MDN1: variants seen among roughly 807,000 people sequenced by gnomAD.
MDN1 encodes midasin.
MDN1 carries 266 observed loss-of-function variants against 669.2 expected under a neutral mutation model. The ratio of observed to expected loss-of-function variants is 0.40; its 90% confidence interval spans 0.36 to 0.44. MDN1 has a LOEUF of 0.44. MDN1 is among the 20% of genes least tolerant of loss of function. The probability of loss-of-function intolerance (pLI) is 1.00; values close to 1 mark genes in which losing one functional copy is unlikely to be tolerated. For missense variants in MDN1, 5,940 were observed against 6,754.0 expected, an observed-to-expected ratio of 0.88 and a Z score of 4.22; for synonymous variants, 2,385 against 2,457.1, an observed-to-expected ratio of 0.97 and a Z score of 0.87.
Position 89,674,282 on chromosome 6 carries a change from T to A in MDN1, c.13069A>T (p.Ser4357Cys). ...VVLDLIPSNLSYPSPIPGSQL... is the reference protein window; with the variant it reads ...VVLDLIPSNLCYPSPIPGSQL... Reference sequence around the variant, plus strand: ...CTTCCAGGTATTGGAGATGGGTAGCTCAGATTGGAAGGAATTAGGTCCAGC... The same window carrying A: ...CTTCCAGGTATTGGAGATGGGTAGCACAGATTGGAAGGAATTAGGTCCAGC... The change falls in exon 79 of 102, where the codon AGC (serine) becomes TGC (cysteine). Residue 4357 changes from serine to cysteine, a missense_variant. Ser to Cys is a moderately radical substitution (Grantham distance 112). This residue lies in a region of MDN1 where 2,280 missense variants were observed against 2,576.3 expected (regional missense o/e 0.88). Transcript: ENST00000369393. 1 of 1,614,210 alleles carries A rather than the reference T, an allele frequency of 6.2e-7. No individual in the cohort carries two copies. The highest frequency in any genetic ancestry group is 8.5e-7 in the Non-Finnish European group (1 of 1,180,040).
Position 89,674,277 on chromosome 6 carries a change from G to A in MDN1, c.13074C>T (p.Tyr4358=). 1 of 1,614,226 alleles carries A rather than the reference G, an allele frequency of 6.2e-7. No homozygotes were observed. The highest frequency in any genetic ancestry group is 1.1e-5 in the South Asian group (1 of 91,074). ...GCTGACTTCCAGGTATTGGAGATGGGTAGCTCAGATTGGAAGGAATTAGGT... is the reference window on the plus strand; with the variant it reads ...GCTGACTTCCAGGTATTGGAGATGGATAGCTCAGATTGGAAGGAATTAGGT... ...VLDLIPSNLS[Y]PSPIPGSQLP... Residue 4358 remains tyrosine, a synonymous_variant, in exon 79 of 102, where the codon TAC becomes TAT. Transcript: ENST00000369393.
intron 42 of MDN1, 37 bp downstream of exon 42, chr6:89,718,730 T>C (rs1311491658): frequency 1.9e-6 from 3 of 1,611,034 alleles, no homozygotes; most frequent in East Asian, 2.2e-5. Context: ...CGGGGTTTAT[T>C]ATGCTTTGCC....
intron 83 of MDN1, among the ~76,000 whole-genome samples, chr6:89,669,843 T>C (rs1268896681): frequency 6.6e-6 from 1 of 151,806 alleles, no homozygotes; most frequent in Non-Finnish European, 1.5e-5. Flanking sequence ...GGGTCTACAA[T>C]CTCTACAACC....
In MDN1 at chr6:89,699,697, A is replaced by G; in HGVS notation, c.8901T>C (p.Asn2967=). ...RCSKNQQPQI[N]EEISHLISFC... ...ATGAGATGAGGTGACTTATCTCCTCATTTATCTGGGGTTGTTGATTTTTGC... is the reference window on the plus strand; with the variant it reads ...ATGAGATGAGGTGACTTATCTCCTCGTTTATCTGGGGTTGTTGATTTTTGC... The change falls in exon 58 of 102, where the codon AAT becomes AAC. Residue 2967 remains asparagine (N), a synonymous_variant. Coordinates refer to ENST00000369393, the MANE Select transcript of MDN1 (RefSeq NM_014611.3). 1 of 1,613,928 alleles carries G rather than the reference A, an allele frequency of 6.2e-7. No homozygotes were observed. The highest frequency in any genetic ancestry group is 8.5e-7 in the Non-Finnish European group (1 of 1,179,920).
intron 40 of MDN1, among the ~76,000 whole-genome samples, chr6:89,720,356 C>T (rs1025983299): frequency 1.3e-5 from 2 of 150,452 alleles, no homozygotes; most frequent in African/African-American, 2.5e-5. Context: ...GCCAAGATCA[C>T]GCCACTGTAC....
In MDN1 at chr6:89,719,220, A is replaced by G. The variant is rs1814644542; in HGVS notation, c.5973T>C (p.Ile1991=). The change falls in exon 41 of 102, where the codon ATT becomes ATC. Residue 1991 remains isoleucine (I), a synonymous_variant. Coordinates refer to ENST00000369393, the MANE Select transcript of MDN1 (RefSeq NM_014611.3). The part of the protein sequence containing the change: ...MRTEEDKKKV[I]AVFKDVFGSN... The stretch of plus-strand genomic sequence containing the variant: ...AACCAAACACATCCTTGAATACAGC[A>G]ATGACCTAAAGGAAGAAGATAATGC... 6.2e-7 allele frequency: 1 copy of G among 1,612,376 alleles called. No individual in the cohort carries two copies. The highest frequency in any genetic ancestry group is 8.5e-7 in the Non-Finnish European group (1 of 1,178,444).
intron 84 of MDN1, among the ~76,000 whole-genome samples, chr6:89,667,363 A>G (rs1036081816): frequency 6.6e-5 from 10 of 152,102 alleles, no homozygotes; most frequent in Non-Finnish European, 1.5e-4. Context: ...TTTCTCTGCC[A>G]AGGAAGGGAG....
intron 88 of MDN1, among the ~76,000 whole-genome samples, chr6:89,661,113 A>G (rs1288985736): frequency 6.6e-6 from 1 of 152,242 alleles, no homozygotes; most frequent in Non-Finnish European, 1.5e-5. Context: ...CGTTTACACC[A>G]TCCCATGAGA....
intron 49 of MDN1, among the ~76,000 whole-genome samples, chr6:89,711,339 T>A (rs1424204037): frequency 6.6e-6 from 1 of 151,820 alleles, no homozygotes; most frequent in Non-Finnish European, 1.5e-5. Context: ...ATTCAAAAAT[T>A]TAAAAAAACA....
chr6:89,715,858 A>T, intron 44 of MDN1, 89 bp from the exon 45 acceptor site: 1 of 840,478 alleles, frequency 1.2e-6, no homozygotes. Flanking sequence ...AATGCTTTTG[A>T]CTCACATTTC....
chr6:89,651,631 A>T (rs988799463), intron 95 of MDN1, among the ~76,000 whole-genome samples: 2 of 152,208 alleles, frequency 1.3e-5, no homozygotes, highest in African/African-American at 4.8e-5. Context: ...AATGAAAAAA[A>T]GTAAAAATGC....
intron 73 of MDN1, 130 bp from the exon 74 acceptor site, chr6:89,680,881 C>G: frequency 1.0e-6 from 1 of 981,988 alleles, no homozygotes; most frequent in Non-Finnish European, 1.5e-6. Context: ...AATGTAGCAT[C>G]ACTAAAATTA....
chr6:89,714,714 A>C lies in MDN1; in HGVS notation c.6898T>G (p.Ser2300Ala). The change falls in exon 46 of 102, where the codon TCC becomes GCC. Residue 2300 changes from serine (S) to alanine (A), a missense_variant. Ser to Ala is a moderately conservative substitution (Grantham distance 99). This residue lies in a region of MDN1 where 2,292 missense variants were observed against 2,638.3 expected (regional missense o/e 0.87). Coordinates refer to ENST00000369393, the MANE Select transcript of MDN1 (RefSeq NM_014611.3). ...LSMDPVHGDI[S>A]RAMRNRGLEI... Reference sequence around the variant, plus strand: ...AGTCCACGATTCCTCATAGCTCGGGATATATCTCCATGAACAGGATCCATC... The same window carrying C: ...AGTCCACGATTCCTCATAGCTCGGGCTATATCTCCATGAACAGGATCCATC... 6 of 1,614,112 alleles carry C rather than the reference A, an allele frequency of 3.7e-6. No homozygotes were observed. Among genetic ancestry groups the C allele is most frequent in the Non-Finnish European group, 5.1e-6 (6 of 1,179,992 alleles).
At chr6:89,670,824 T>A in intron 83 of MDN1, 95 bp downstream of exon 83, 1 of 1,343,088 alleles carries the variant, frequency 7.4e-7, no homozygotes, top group Non-Finnish European at 1.0e-6. Flanking sequence ...CTATTTGTGG[T>A]GGTCCAAAAT....
rs1322899789 is a variant in MDN1 at position 89,674,374 on chromosome 6, A to T, written c.12977T>A (p.Leu4326Gln). Residue 4326 changes from leucine to glutamine, a missense_variant, in exon 79 of 102, where the codon CTG (leucine) becomes CAG (glutamine). By Grantham distance (113) the Leu-to-Gln change is moderately radical. Transcript: ENST00000369393. The part of the protein sequence containing the change: ...PAPGHGNVQV[L>Q]GQPPGPCLEG... ...CAGGCAGGGGCCAGGAGGCTGCCCC[A>T]GTACCTGGACATTGCCATGGCCTGG... 6.2e-7 allele frequency: 1 copy of T among 1,614,232 alleles called. No individual in the cohort carries two copies.
intron 93 of MDN1, among the ~76,000 whole-genome samples, chr6:89,653,480 A>G (rs1365966215): frequency 6.6e-6 from 1 of 152,238 alleles, no homozygotes; most frequent in Non-Finnish European, 1.5e-5. Flanking sequence ...GACAGAAATA[A>G]AAACTAAAAG....
chr6:89,771,247 G>A (rs1818065018), intron 15 of MDN1, among the ~76,000 whole-genome samples: 1 of 152,120 alleles, frequency 6.6e-6, no homozygotes, highest in Non-Finnish European at 1.5e-5. Flanking sequence ...GCTGAGACAT[G>A]GGACACATGA....
Position 89,721,785 on chromosome 6 carries a change from T to C in MDN1, c.5967+1170A>G, listed in dbSNP as rs560765131. Among the ~76,000 whole-genome samples, 112 of 152,072 alleles carry C rather than the reference T, an allele frequency of 7.4e-4. 1 individual carries two copies. The highest frequency in any genetic ancestry group is 2.6e-3 in the African/African-American group (109 of 41,462). ...ATTAAAACAATGTCTCCAATTTTAA[T>C]AAATTTTTGCAATCCAAAAAAAGAA... On this transcript the variant is annotated intron_variant, in intron 40 of 101. Coordinates refer to ENST00000369393, the MANE Select transcript of MDN1 (RefSeq NM_014611.3).
At position 89,680,734 on chromosome 6, in the gene MDN1, C is replaced by G; in HGVS notation, c.12120G>C (p.Trp4040Cys). Residue 4040 changes from tryptophan (W) to cysteine (C), a missense_variant, in exon 74 of 102, where the codon TGG becomes TGC. Around this residue, in one of 5 missense-constraint regions of MDN1, gnomAD observed 2,280 missense variants for 2,576.3 expected, o/e 0.88. Transcript: ENST00000369393. ...AGCCGGAAGGAGCAGCGCCCTGACA[C>G]CACTCTGGAATTGTGGCCTGTGAGA... ...PAAGQATIPE[W>C]CQGAAPSGLE... 1.2e-6 allele frequency: 2 copies of G among 1,613,998 alleles called. No individual in the cohort carries two copies. Among genetic ancestry groups the G allele is most frequent in the Middle Eastern group, 1.7e-4 (1 of 6,060 alleles).
Sources: gnomAD v4.1 joint callset for allele counts (sites outside exome capture counted in the v4.1 genomes callset) on GRCh38, gnomAD v4.1.1 for gene constraint, gnomAD v4.1.1 regional missense constraint, MANE v1.5 for transcripts, NCBI Gene and HGNC (gene_info 2026-07-23, HGNC 2026-07-21) for gene names.